Variants in ANKS1B observed in about 807,000 individuals in gnomAD.
The protein encoded by ANKS1B is ankyrin repeat and sterile alpha motif domain containing 1B.
A neutral mutation model predicts 148.3 loss-of-function variants in ANKS1B; 36 were observed. That is an observed-to-expected ratio of 0.24 (90% confidence interval 0.19 to 0.32). The LOEUF (loss-of-function observed/expected upper bound fraction) is 0.32. Ranked by LOEUF, ANKS1B falls within the 10% of genes least tolerant of loss-of-function variation. The pLI, the probability that ANKS1B is intolerant of heterozygous loss-of-function variation, is 1.00. For missense variants in ANKS1B, 1,157 were observed against 1,542.6 expected (o/e 0.75, Z 4.19); for synonymous variants, 542 against 560.8 (o/e 0.97, Z 0.47).
chr12:99,342,269 G>A (rs936221892), intron 12 of ANKS1B, among the ~76,000 whole-genome samples: 1 of 152,030 alleles, frequency 6.6e-6, no homozygotes, highest in Admixed American at 6.6e-5. Context: ...TCCTAGGGAA[G>A]CTGTTTGAGT....
At chr12:99,261,933 T>C (rs965272498) in intron 12 of ANKS1B, among the ~76,000 whole-genome samples, 5 of 152,148 alleles carry the variant, frequency 3.3e-5, no homozygotes, top group Admixed American at 2.0e-4. Flanking sequence ...TTCTCTTAAA[T>C]AACATAAGCT....
intron 17 of ANKS1B, 135 bp downstream of exon 17, chr12:99,053,022 G>C (rs1416058545): frequency 1.5e-5 from 12 of 781,036 alleles, no homozygotes; most frequent in Non-Finnish European, 2.3e-5. Context: ...TCTGGAGCTT[G>C]AGAGAGATCG....
At chr12:99,665,292 A>G (rs1599164154) in intron 8 of ANKS1B, among the ~76,000 whole-genome samples, 2 of 152,270 alleles carry the variant, frequency 1.3e-5, no homozygotes, top group East Asian at 3.9e-4. Flanking sequence ...AGTTATTCTA[A>G]TGGGTATGCA....
intron 15 of ANKS1B, among the ~76,000 whole-genome samples, chr12:99,144,679 T>A (rs1201183481): frequency 6.6e-6 from 1 of 152,032 alleles, no homozygotes; most frequent in Non-Finnish European, 1.5e-5. Context: ...TCCTAGTAGA[T>A]ATAGTAGGAT....
intron 17 of ANKS1B, among the ~76,000 whole-genome samples, chr12:98,857,500 GGA>G (rs2099577934): frequency 1.3e-5 from 2 of 148,426 alleles, no homozygotes; most frequent in Admixed American, 6.7e-5. Flanking sequence ...AGATAAAAAG[GGA>G]CACATGTTTC....
At chr12:99,784,526 G>C (rs1185732151) in intron 4 of ANKS1B, among the ~76,000 whole-genome samples, 1 of 152,066 alleles carries the variant, frequency 6.6e-6, no homozygotes, top group African/African-American at 2.4e-5. Context: ...GGGTCTCCAA[G>C]GCTGGTCTCT....
At chr12:99,773,123 G>A (rs745632224) in intron 7 of ANKS1B, 35 bp from the exon 8 acceptor site, 2 of 1,558,590 alleles carry the variant, frequency 1.3e-6, no homozygotes, top group South Asian at 2.4e-5. Flanking sequence ...TTTCAAGAAA[G>A]GCTATTGTTA....
At chr12:99,114,689 T>C (rs2153707783) in intron 15 of ANKS1B, among the ~76,000 whole-genome samples, 1 of 151,866 alleles carries the variant, frequency 6.6e-6, no homozygotes, top group Non-Finnish European at 1.5e-5. Flanking sequence ...GAGATGGAGG[T>C]TGCAGTGAGC....
intron 1 of ANKS1B, among the ~76,000 whole-genome samples, chr12:99,873,416 G>A (rs1181920090): frequency 2.0e-5 from 3 of 152,252 alleles, no homozygotes; most frequent in African/African-American, 7.2e-5. Context: ...TGATGATGCT[G>A]TGCAAAGGAA....
chr12:99,173,390 T>G (rs1036861853), intron 14 of ANKS1B, among the ~76,000 whole-genome samples: 1 of 152,184 alleles, frequency 6.6e-6, no homozygotes, highest in African/African-American at 2.4e-5. Context: ...CCAGCAATCG[T>G]AAAATGTTTC....
At chr12:99,452,552 A>G (rs956816690) in intron 10 of ANKS1B, among the ~76,000 whole-genome samples, 8 of 152,192 alleles carry the variant, frequency 5.3e-5, no homozygotes, top group African/African-American at 1.9e-4. Flanking sequence ...TTTACATTTT[A>G]AAGTAACTTT....
At chr12:99,124,308 C>T (rs2063701967) in intron 15 of ANKS1B, among the ~76,000 whole-genome samples, 1 of 151,968 alleles carries the variant, frequency 6.6e-6, no homozygotes, top group South Asian at 2.1e-4. Context: ...GTGGGATTTG[C>T]TGATGAAATA....
At chr12:99,915,225 CAAAAAAAAAA>C (rs34176071) in intron 1 of ANKS1B, among the ~76,000 whole-genome samples, 2 of 101,654 alleles carry the variant, frequency 2.0e-5, no homozygotes, top group Admixed American at 2.3e-4. Context: ...AAAGCTGTCT[CAAAAAAAAAA>C]AAAAAAAAGC....
intron 9 of ANKS1B, among the ~76,000 whole-genome samples, chr12:99,520,551 C>A (rs550900415): frequency 2.0e-4 from 31 of 152,186 alleles, no homozygotes; most frequent in Non-Finnish European, 2.4e-4. Flanking sequence ...TTGAAGTAAT[C>A]TTCTTTGGTT....
At chr12:99,267,881 G>A (rs545334443) in intron 12 of ANKS1B, among the ~76,000 whole-genome samples, 9 of 152,202 alleles carry the variant, frequency 5.9e-5, no homozygotes, top group Non-Finnish European at 7.4e-5. Context: ...AAGTACAGAC[G>A]GCACAAGAAA....
At chr12:99,690,175 G>A (rs910157408) in intron 8 of ANKS1B, among the ~76,000 whole-genome samples, 1 of 152,030 alleles carries the variant, frequency 6.6e-6, no homozygotes, top group Non-Finnish European at 1.5e-5. Context: ...ACAGCATAGG[G>A]GAAACCGCCG....
chr12:99,550,944 T>A (rs2097212104), intron 9 of ANKS1B, among the ~76,000 whole-genome samples: 1 of 152,206 alleles, frequency 6.6e-6, no homozygotes, highest in Non-Finnish European at 1.5e-5. Flanking sequence ...ATCATTAATT[T>A]AAGTGTTATG....
intron 17 of ANKS1B, among the ~76,000 whole-genome samples, chr12:99,036,353 C>G (rs995112403): frequency 4.6e-5 from 7 of 150,764 alleles, no homozygotes; most frequent in African/African-American, 1.7e-4. Context: ...AAAATATTAA[C>G]TCAAGACCCA....
chr12:99,863,865 A>G (rs2090380593), intron 1 of ANKS1B, among the ~76,000 whole-genome samples: 1 of 151,946 alleles, frequency 6.6e-6, no homozygotes, highest in Admixed American at 6.6e-5. Context: ...AGGTCAGGAG[A>G]TAGAAACTAT....
Sources: allele counts gnomAD v4.1 joint callset (sites outside exome capture counted in the v4.1 genomes callset), GRCh38; gene constraint gnomAD v4.1.1; transcripts MANE v1.5; gene names NCBI Gene and HGNC (gene_info 2026-07-23, HGNC 2026-07-21).